PHIP: variants seen among roughly 807,000 people sequenced by gnomAD.
PHIP encodes the protein PHIP subunit of CUL4-Ring ligase complex.
PHIP carries 54 observed loss-of-function variants against 236.8 expected under a neutral mutation model. That is an observed-to-expected ratio of 0.23 (90% confidence interval 0.18 to 0.29). PHIP has a LOEUF of 0.29. Ranked by LOEUF, PHIP falls within the 10% of genes least tolerant of loss-of-function variation. The pLI is 1.00. For missense variants in PHIP, 1,370 were observed against 2,190.8 expected, an observed-to-expected ratio of 0.63 and a Z score of 7.48; for synonymous variants, 756 against 718.9, an observed-to-expected ratio of 1.05 and a Z score of -0.83.
chr6:79,034,981 A>AAATC (rs553270137), intron 7 of PHIP, among the ~76,000 whole-genome samples: 428 of 152,302 alleles, frequency 2.8e-3, no homozygotes, highest in Non-Finnish European at 4.9e-3. Context: ...GAACTGGCTG[A>AAATC]AATCAGTTGG....
At chr6:79,004,989 G>A (rs1282244034) in intron 15 of PHIP, among the ~76,000 whole-genome samples, 1 of 151,984 alleles carries the variant, frequency 6.6e-6, no homozygotes, top group Admixed American at 6.6e-5. Context: ...CCACAAATGG[G>A]ACTGCCTCAA....
intron 12 of PHIP, 48 bp from the exon 13 acceptor site, chr6:79,016,690 T>C (rs1770846636): frequency 8.8e-7 from 1 of 1,142,590 alleles, no homozygotes; most frequent in Non-Finnish European, 1.3e-6. Context: ...ATACATGCTT[T>C]ACCAAAATGC....
rs187733397 is a variant in PHIP at position 78,972,609 on chromosome 6, C to G, written c.2890-1721G>C. On this transcript the variant is annotated intron_variant, in intron 24 of 39. Transcript: ENST00000275034. Reference sequence around the variant, plus strand: ...TACAGGAGGACATTCAAACCAAAGGCAAAGAAGTTGAAAACTTTGAAAAAA... The same window carrying G: ...TACAGGAGGACATTCAAACCAAAGGGAAAGAAGTTGAAAACTTTGAAAAAA... Among the ~76,000 whole-genome samples, 254 of 152,112 alleles carry G rather than the reference C, an allele frequency of 1.7e-3. 9 individuals carry two copies. In the East Asian group the frequency reaches 0.04, roughly 24 times the overall value.
chr6:79,024,683 T>C (rs113949775), intron 9 of PHIP, among the ~76,000 whole-genome samples: 3 of 152,228 alleles, frequency 2.0e-5, no homozygotes, highest in South Asian at 2.1e-4. Flanking sequence ...CGGGCGCCTG[T>C]AGTCCCAGCT....
chr6:78,999,749 A>G (rs1769864449), intron 17 of PHIP, among the ~76,000 whole-genome samples: 1 of 152,190 alleles, frequency 6.6e-6, no homozygotes, highest in Admixed American at 6.6e-5. Context: ...AGTAGTAGTA[A>G]GAAAGGTAAA....
chr6:78,989,372 G>C (rs948810464), intron 20 of PHIP, among the ~76,000 whole-genome samples: 1 of 152,174 alleles, frequency 6.6e-6, no homozygotes, highest in Non-Finnish European at 1.5e-5. Context: ...CAGTCAGCTA[G>C]GACTGTCCCA....
chr6:79,030,379 GTCAT>G (rs1454379942), intron 7 of PHIP, among the ~76,000 whole-genome samples: 1 of 152,180 alleles, frequency 6.6e-6, no homozygotes, highest in Non-Finnish European at 1.5e-5. Context: ...AAACTAAGTA[GTCAT>G]TTCTTTTCAG....
intron 6 of PHIP, among the ~76,000 whole-genome samples, chr6:79,053,763 A>G (rs1772919811): frequency 1.3e-5 from 2 of 152,226 alleles, no homozygotes; most frequent in Admixed American, 6.5e-5. Flanking sequence ...AATCAAACCC[A>G]ATAATCACTC....
chr6:78,991,243 C>T (rs2127724155), intron 19 of PHIP, among the ~76,000 whole-genome samples: 1 of 151,870 alleles, frequency 6.6e-6, no homozygotes, highest in Non-Finnish European at 1.5e-5. Context: ...TCTGGCAAAC[C>T]AAGTATTAGA....
At chr6:78,972,514 C>T (rs1286212890) in intron 24 of PHIP, among the ~76,000 whole-genome samples, 18 of 152,192 alleles carry the variant, frequency 1.2e-4, no homozygotes, top group Admixed American at 1.2e-3. Context: ...AGCAATGGAA[C>T]AAAGCTGGAC....
intron 23 of PHIP, among the ~76,000 whole-genome samples, chr6:78,982,637 T>A (rs961255481): frequency 5.3e-5 from 8 of 152,150 alleles, no homozygotes; most frequent in African/African-American, 1.9e-4. Flanking sequence ...CTGATCTTTT[T>A]AAGGTTAAAT....
intron 35 of PHIP, among the ~76,000 whole-genome samples, chr6:78,954,156 C>T (rs922510807): frequency 1.3e-5 from 2 of 152,206 alleles, no homozygotes; most frequent in South Asian, 2.1e-4. Context: ...GGCTGGAGTA[C>T]GGCAGTGGGA....
At chr6:79,002,320 A>G (rs1248059670) in intron 16 of PHIP, among the ~76,000 whole-genome samples, 196 bp from the exon 17 acceptor site, 1 of 152,130 alleles carries the variant, frequency 6.6e-6, no homozygotes, top group African/African-American at 2.4e-5. Flanking sequence ...TTATGATCAG[A>G]AAAGTAGCTG....
chr6:79,020,762 G>A (rs917037293), intron 9 of PHIP, among the ~76,000 whole-genome samples: 5 of 152,174 alleles, frequency 3.3e-5, no homozygotes, highest in African/African-American at 2.4e-5. Context: ...TTTTTGAGAC[G>A]GAGTCTCGTT....
chr6:78,979,054 C>A (rs192233019), intron 23 of PHIP, among the ~76,000 whole-genome samples: 2 of 152,052 alleles, frequency 1.3e-5, no homozygotes, highest in African/African-American at 2.4e-5. Flanking sequence ...ATATAGGAGA[C>A]TGTGTGTAGG....
At chr6:78,951,323 T>C (rs1220089867) in intron 35 of PHIP, among the ~76,000 whole-genome samples, 1 of 152,180 alleles carries the variant, frequency 6.6e-6, no homozygotes, top group Non-Finnish European at 1.5e-5. Context: ...CTCAATACAA[T>C]TCTGTTGAAT....
At chr6:79,073,634 C>G (rs557829473) in intron 4 of PHIP, among the ~76,000 whole-genome samples, 1 of 152,044 alleles carries the variant, frequency 6.6e-6, no homozygotes, top group East Asian at 1.9e-4. Context: ...TCAGCACACA[C>G]TAAATAAATG....
At chr6:78,952,456 A>G (rs973175489) in intron 35 of PHIP, among the ~76,000 whole-genome samples, 7 of 150,600 alleles carry the variant, frequency 4.6e-5, no homozygotes, top group Non-Finnish European at 7.4e-5. Context: ...AAAAAAAGGA[A>G]AAAAAAATTC....
rs1773236856 is a variant in PHIP, at chr6:78,935,399, A to C, written c.*5294T>G. 1.7e-6 allele frequency: 1 copy of C among 604,632 alleles called. No homozygotes were observed. The highest frequency in any genetic ancestry group is 2.1e-6 in the Non-Finnish European group (1 of 482,410). The allele number at this position is 604,632 out of a possible 1,614,324, so 37.5% of individuals were successfully genotyped here. The stretch of plus-strand genomic sequence containing the variant: ...TTCTTAGTCAATAAAAATGCATGCC[A>C]ATCTGACAAAATTTCTAGGAAAACT... On this transcript the variant is annotated 3_prime_UTR_variant, in exon 40 of 40. Transcript: ENST00000275034.
Sources: allele counts gnomAD v4.1 joint callset (sites outside exome capture counted in the v4.1 genomes callset), GRCh38; gene constraint gnomAD v4.1.1; transcripts MANE v1.5; gene names NCBI Gene and HGNC (gene_info 2026-07-23, HGNC 2026-07-21).